Variants in RYR2 observed in about 807,000 individuals in gnomAD.
RYR2 encodes the protein ryanodine receptor 2, also known as cardiac muscle ryanodine receptor-calcium release channel.
In RYR2, 227 loss-of-function variants were observed where a neutral mutation model predicts 601.1. That is an observed-to-expected ratio of 0.38 (90% CI 0.34 to 0.42). The LOEUF (loss-of-function observed/expected upper bound fraction) is 0.42. RYR2 is among the 10% of genes least tolerant of loss of function. The probability of loss-of-function intolerance (pLI) is 1.00; values close to 1 mark genes in which losing one functional copy is unlikely to be tolerated. For missense variants in RYR2, 4,646 were observed against 6,156.5 expected (o/e 0.75, Z 8.21); for synonymous variants, 2,223 against 2,175.1 (o/e 1.02, Z -0.61).
intron 29 of RYR2, among the ~76,000 whole-genome samples, chr1:237,584,653 T>TTTG (rs1360761501): frequency 2.3e-5 from 3 of 132,486 alleles, no homozygotes; most frequent in Non-Finnish European, 3.3e-5. Context: ...CCACCTGTTT[T>TTTG]TTTTTTTTTT....
Position 237,388,217 on chromosome 1 carries a change from A to C in RYR2, c.773+34A>C, listed in dbSNP as rs748486895. 1.5e-5 allele frequency: 24 copies of C among 1,563,284 alleles called. No homozygotes were observed. In the African/African-American group the frequency reaches 3.1e-4, roughly 20 times the overall value. On this transcript the variant is annotated intron_variant, in intron 10 of 104. Coordinates refer to ENST00000366574, the MANE Select transcript of RYR2 (RefSeq NM_001035.3). ...CTGAGCTCATTGCATTGAGACTTGC[A>C]CTCTTTTGCCTTGATGTAATGTTTT...
At chr1:237,686,747 A>G (rs970139588) in intron 62 of RYR2, among the ~76,000 whole-genome samples, 1 of 152,186 alleles carries the variant, frequency 6.6e-6, no homozygotes, top group African/African-American at 2.4e-5. Flanking sequence ...GCTAATTGCC[A>G]TGAAGGACTC....
At chr1:237,043,421 C>T (rs532976798) in intron 1 of RYR2, among the ~76,000 whole-genome samples, 3 of 152,216 alleles carry the variant, frequency 2.0e-5, no homozygotes, top group East Asian at 3.9e-4. Context: ...GGTGGCTGCC[C>T]GGGAAAGGTT....
intron 35 of RYR2, among the ~76,000 whole-genome samples, chr1:237,606,228 C>G (rs2148538214): frequency 6.6e-6 from 1 of 152,186 alleles, no homozygotes; most frequent in Non-Finnish European, 1.5e-5. Context: ...AGATACAGAC[C>G]AATGGAACAG....
intron 25 of RYR2, among the ~76,000 whole-genome samples, chr1:237,536,155 A>C (rs1572763033): frequency 1.3e-5 from 2 of 152,242 alleles, no homozygotes; most frequent in African/African-American, 4.8e-5. Context: ...GAATTTACAG[A>C]ATTATTTCTA....
At chr1:237,099,800 C>A (rs1450022551) in intron 1 of RYR2, among the ~76,000 whole-genome samples, 1 of 152,086 alleles carries the variant, frequency 6.6e-6, no homozygotes, top group East Asian at 1.9e-4. Flanking sequence ...TAATCAAGTA[C>A]TTACTCATTT....
intron 1 of RYR2, among the ~76,000 whole-genome samples, chr1:237,063,607 C>A (rs1382664004): frequency 2.0e-5 from 3 of 150,902 alleles, no homozygotes; most frequent in Admixed American, 2.0e-4. Flanking sequence ...CATACACACT[C>A]TCTCTCTCTC....
chr1:237,388,462 G>A (rs1428469079), intron 10 of RYR2, among the ~76,000 whole-genome samples: 1 of 152,166 alleles, frequency 6.6e-6, no homozygotes, highest in Non-Finnish European at 1.5e-5. Context: ...TGACCACATT[G>A]CATTAAACTA....
At chr1:237,212,639 T>C (rs671216) in intron 1 of RYR2, among the ~76,000 whole-genome samples, 112,764 of 151,970 alleles carry the variant, frequency 0.74, 43,833 homozygotes, top group East Asian at 0.93. Flanking sequence ...AACAATATTG[T>C]TAAATTAAAA....
At position 237,127,611 on chromosome 1, in the gene RYR2, G is replaced by A. The variant is rs552171109; in HGVS notation, c.48+85042G>A. On this transcript the variant is annotated intron_variant, in intron 1 of 104. Coordinates refer to ENST00000366574, the MANE Select transcript of RYR2 (RefSeq NM_001035.3). Reference sequence around the variant, plus strand: ...GACGGGGTGGCTGCCGGGCGGAGACGCTCCTCACTTCCCAGACGGGGCGGC... The same window carrying A: ...GACGGGGTGGCTGCCGGGCGGAGACACTCCTCACTTCCCAGACGGGGCGGC... 3.9e-3 allele frequency among the ~76,000 whole-genome samples: 576 copies of A among 147,080 alleles called. 1 individual carries two copies. Among genetic ancestry groups the A allele is most frequent in the African/African-American group, 8.8e-3 (352 of 40,034 alleles).
intron 10 of RYR2, among the ~76,000 whole-genome samples, chr1:237,416,329 G>A (rs1572222631): frequency 1.3e-5 from 2 of 152,266 alleles, no homozygotes; most frequent in East Asian, 3.9e-4. Context: ...AAGAAAGAGG[G>A]CATGTGCATC....
At chr1:237,738,081 C>T (rs1379721461) in intron 79 of RYR2, among the ~76,000 whole-genome samples, 1 of 152,198 alleles carries the variant, frequency 6.6e-6, no homozygotes, top group Non-Finnish European at 1.5e-5. Flanking sequence ...GGTTTACCAA[C>T]AGTCATTCTG....
At chr1:237,606,900 T>C (rs1450116935) in intron 35 of RYR2, among the ~76,000 whole-genome samples, 3 of 152,200 alleles carry the variant, frequency 2.0e-5, no homozygotes, top group Middle Eastern at 3.4e-3. Flanking sequence ...GTTAGAATGG[T>C]GATCATTAAA....
chr1:237,165,811 G>A (rs1304989045), intron 1 of RYR2, among the ~76,000 whole-genome samples: 1 of 152,004 alleles, frequency 6.6e-6, no homozygotes, highest in Non-Finnish European at 1.5e-5. Flanking sequence ...AGACCAGCTT[G>A]GCAATATAGT....
chr1:237,786,035 G>T lies in RYR2; in HGVS notation c.13327G>T (p.Glu4443Ter). 6.4e-7 allele frequency: 1 copy of T among 1,570,376 alleles called. No homozygotes were observed. Among genetic ancestry groups the T allele is most frequent in the South Asian group, 1.2e-5 (1 of 86,336 alleles). Residue 4443 changes from glutamate (E) to a stop codon, truncating the protein, a stop_gained and splice_region_variant, in exon 91 of 105, where the codon GAG becomes TAG. Transcript: ENST00000366574. LOFTEE classifies it high-confidence loss of function. ...EETKSEPEKA[E>*]GEDGEKEEKA... Reference sequence around the variant, plus strand: ...AACCAAATCTGAACCTGAAAAAGCCGAGTATGTATAGTTTGCATATACTTT... The same window carrying T: ...AACCAAATCTGAACCTGAAAAAGCCTAGTATGTATAGTTTGCATATACTTT...
At chr1:237,118,084 T>G (rs532937429) in intron 1 of RYR2, among the ~76,000 whole-genome samples, 3 of 152,298 alleles carry the variant, frequency 2.0e-5, no homozygotes, top group Non-Finnish European at 4.4e-5. Context: ...AACTTTGTGG[T>G]TTTGCAACAT....
chr1:237,097,096 C>T (rs570535095), intron 1 of RYR2, among the ~76,000 whole-genome samples: 62 of 152,286 alleles, frequency 4.1e-4, no homozygotes, highest in African/African-American at 1.4e-3. Flanking sequence ...TGTATTTTCT[C>T]TTCTTTTTCA....
Position 237,610,810 on chromosome 1 carries a change from C to T in RYR2, c.4732C>T (p.Pro1578Ser), listed in dbSNP as rs761852488. Residue 1578 changes from proline (P) to serine (S), a missense_variant, in exon 36 of 105, where the codon CCC (proline) becomes TCC (serine). Physicochemically the swap from Pro to Ser is moderately conservative, Grantham distance 74. Around this residue, in one of 17 missense-constraint regions of RYR2, gnomAD observed 1,807 missense variants for 2,088.1 expected, o/e 0.87. Coordinates refer to ENST00000366574, the MANE Select transcript of RYR2 (RefSeq NM_001035.3). The surrounding 1 kb of genome is among the most constrained non-coding windows in gnomAD (Gnocchi z 4.9). ...ATTATTCAAGAGTGAGCACAAGAACCCCGTGCCGCAGTGCCCCCCGCGCCT... is the reference window on the plus strand; with the variant it reads ...ATTATTCAAGAGTGAGCACAAGAACTCCGTGCCGCAGTGCCCCCCGCGCCT... ...AGLFKSEHKN[P>S]VPQCPPRLHV... 5 of 1,611,202 alleles carry T rather than the reference C, an allele frequency of 3.1e-6. No individual in the cohort carries two copies. Among genetic ancestry groups the T allele is most frequent in the African/African-American group, 1.3e-5 (1 of 74,860 alleles).
chr1:237,213,391 T>G (rs1299467208), intron 1 of RYR2, among the ~76,000 whole-genome samples: 1 of 152,028 alleles, frequency 6.6e-6, no homozygotes, highest in Non-Finnish European at 1.5e-5. Flanking sequence ...TTGCTTAGAT[T>G]TGTCTCAAAC....
Sources: allele counts gnomAD v4.1 joint callset (sites outside exome capture counted in the v4.1 genomes callset), GRCh38; gene constraint gnomAD v4.1.1; regional missense constraint gnomAD v4.1.1; non-coding constraint Gnocchi (gnomAD v3.1); transcripts MANE v1.5; gene names NCBI Gene and HGNC (gene_info 2026-07-23, HGNC 2026-07-21).